The following NDUFA5 variants were observed in gnomAD, a reference collection of about 807,000 sequenced individuals.
NDUFA5 encodes NADH:ubiquinone oxidoreductase subunit A5, also known as NADH dehydrogenase [ubiquinone] 1 alpha subcomplex subunit 5.
Under a neutral mutation model 19.8 loss-of-function variants are expected in NDUFA5, and 11 were observed. The ratio of observed to expected loss-of-function variants is 0.56; its 90% confidence interval spans 0.35 to 0.92. NDUFA5 has a LOEUF of 0.92. NDUFA5 is among the 40% of genes least tolerant of loss of function. The probability of loss-of-function intolerance (pLI) is 0.01; values close to 1 mark genes in which losing one functional copy is unlikely to be tolerated. For missense variants in NDUFA5, 109 were observed against 134.2 expected (o/e 0.81, Z 0.93); for synonymous variants, 47 against 46.8 (o/e 1.00, Z -0.01).
At position 123,540,418 on chromosome 7, in the gene NDUFA5, C is replaced by A. The variant is rs917051619; in HGVS notation, c.*1701G>T. On this transcript the variant is annotated 3_prime_UTR_variant, in exon 5 of 5. Coordinates refer to ENST00000355749, the MANE Select transcript of NDUFA5 (RefSeq NM_005000.5). ...GGCAGATACGGGACTGAAAATATGA[C>A]AAAAACACAGCAAGCCATCTTTGTT... 6.6e-6 allele frequency: 1 copy of A among 152,052 alleles called. No homozygotes were observed. The highest frequency in any genetic ancestry group is 6.6e-5 in the Admixed American group (1 of 15,264). 9.4% of individuals were successfully genotyped at this position (152,052 alleles called of 1,614,324 possible).
the NDUFA5 span, among the ~76,000 whole-genome samples, chr7:123,578,685 G>C: frequency 6.6e-6 from 1 of 151,944 alleles, no homozygotes; most frequent in East Asian, 1.9e-4. Flanking sequence ...TCATTCAATA[G>C]CTTAGTCTTT....
chr7:123,552,428 T>C (rs887434347), intron 2 of NDUFA5, among the ~76,000 whole-genome samples: 14 of 150,354 alleles, frequency 9.3e-5, no homozygotes, highest in African/African-American at 2.4e-4. Context: ...TAAGTGAGAG[T>C]TGAACAATGA....
the NDUFA5 span, among the ~76,000 whole-genome samples, chr7:123,564,918 CACAT>C: frequency 1.3e-5 from 2 of 151,618 alleles, no homozygotes; most frequent in African/African-American, 2.4e-5. Flanking sequence ...CACACACACA[CACAT>C]ATATATACAC....
At chr7:123,545,469 GCAC>G (rs749239082) in intron 4 of NDUFA5, 139 bp downstream of exon 4, 15 of 649,582 alleles carry the variant, frequency 2.3e-5, no homozygotes, top group Admixed American at 6.1e-5. Context: ...CACATGAGAA[GCAC>G]CACATTTTCT....
At chr7:123,560,494 T>A (rs1798675127), upstream of NDUFA5, among the ~76,000 whole-genome samples, 1 of 152,200 alleles carries the variant, frequency 6.6e-6, no homozygotes, top group Non-Finnish European at 1.5e-5. Context: ...ACATTATACG[T>A]GATCTATCAG....
chr7:123,594,884 C>A, the NDUFA5 span, among the ~76,000 whole-genome samples: 68 of 152,298 alleles, frequency 4.5e-4, no homozygotes, highest in African/African-American at 1.6e-3. Context: ...ATAGGCCCTG[C>A]CCCCAGAGGT....
At chr7:123,553,466 C>T (rs1471131321) in intron 2 of NDUFA5, among the ~76,000 whole-genome samples, 2 of 152,140 alleles carry the variant, frequency 1.3e-5, no homozygotes, top group Admixed American at 1.3e-4. Context: ...TCCTCTCCCA[C>T]GACACATGGG....
chr7:123,587,435 G>T, the NDUFA5 span, among the ~76,000 whole-genome samples: 1 of 151,154 alleles, frequency 6.6e-6, no homozygotes, highest in Non-Finnish European at 1.5e-5. Context: ...AGTTCTAATA[G>T]TTCTTTGGTG....
At chr7:123,560,529 AATACT>A (rs1303103488), upstream of NDUFA5, among the ~76,000 whole-genome samples, 2 of 152,248 alleles carry the variant, frequency 1.3e-5, no homozygotes, top group African/African-American at 4.8e-5. Context: ...GCCATAACAA[AATACT>A]ATGGATGAGG....
In NDUFA5 at chr7:123,538,864, A is replaced by G. The variant is rs368752232; in HGVS notation, c.*3255T>C. On this transcript the variant is annotated 3_prime_UTR_variant, in exon 5 of 5. Coordinates refer to ENST00000355749, the MANE Select transcript of NDUFA5 (RefSeq NM_005000.5). ...GGAGGAAAAAGAAAAAGCTGCTATTAGCCTACATGTGGGAATTTTCCTATA... is the reference window on the plus strand; with the variant it reads ...GGAGGAAAAAGAAAAAGCTGCTATTGGCCTACATGTGGGAATTTTCCTATA... 2.4e-4 allele frequency: 37 copies of G among 152,366 alleles called. No homozygotes were observed. Among genetic ancestry groups the G allele is most frequent in the African/African-American group, 8.9e-4 (37 of 41,586 alleles). 9.4% of individuals were successfully genotyped at this position (152,366 alleles called of 1,614,324 possible). A position where few individuals can be genotyped will look rare whatever the true frequency, so the allele number is the denominator to read the frequency against.
Position 123,541,799 on chromosome 7 carries a change from C to A in NDUFA5, c.*320G>T, listed in dbSNP as rs2117447958. ...AAAATTAAATGATGTATTGAACATA[C>A]TACTAAAGAAAGTTTACTTTTTGAT... On this transcript the variant is annotated 3_prime_UTR_variant, in exon 5 of 5. Transcript: ENST00000355749. The A allele has an allele frequency of 6.0e-6, 1 of 166,214 alleles. No homozygotes were observed. The highest frequency in any genetic ancestry group is 2.4e-5 in the African/African-American group (1 of 42,014). 10.3% of individuals were successfully genotyped at this position (166,214 alleles called of 1,614,324 possible).
chr7:123,555,194 T>C (rs1798493962), intron 2 of NDUFA5: 1 of 152,254 alleles, frequency 6.6e-6, no homozygotes, highest in Non-Finnish European at 1.5e-5. Flanking sequence ...GCATTCCAAG[T>C]TAAAGCATTC....
At chr7:123,588,297 T>A in the NDUFA5 span, among the ~76,000 whole-genome samples, 1 of 151,832 alleles carries the variant, frequency 6.6e-6, no homozygotes, top group Admixed American at 6.6e-5. Flanking sequence ...TCTTCTAGGT[T>A]ATACAGTTTA....
At chr7:123,546,300 C>T (rs1424588590) in intron 3 of NDUFA5, among the ~76,000 whole-genome samples, 1 of 152,010 alleles carries the variant, frequency 6.6e-6, no homozygotes, top group Non-Finnish European at 1.5e-5. Context: ...TAAGACAGTA[C>T]ATACTAATGA....
chr7:123,589,520 T>G, the NDUFA5 span, among the ~76,000 whole-genome samples: 1 of 152,022 alleles, frequency 6.6e-6, no homozygotes, highest in Admixed American at 6.6e-5. Context: ...CTTCTCTCTG[T>G]CCCTGTGTTC....
chr7:123,550,775 G>C (rs1305559243), intron 2 of NDUFA5, among the ~76,000 whole-genome samples, 189 bp from the exon 3 acceptor site: 1 of 149,588 alleles, frequency 6.7e-6, no homozygotes. Context: ...TTATAACTTA[G>C]GAAAAACCTG....
upstream of NDUFA5, among the ~76,000 whole-genome samples, chr7:123,560,918 T>C (rs1453052928): frequency 2.0e-5 from 3 of 152,222 alleles, no homozygotes. Flanking sequence ...TAGCAATGAA[T>C]AATCTGAAAA....
At chr7:123,565,499 A>C in the NDUFA5 span, among the ~76,000 whole-genome samples, 1 of 152,132 alleles carries the variant, frequency 6.6e-6, no homozygotes, top group Non-Finnish European at 1.5e-5. Flanking sequence ...TTTATATACC[A>C]TATTTGTTCT....
At chr7:123,567,778 C>T in the NDUFA5 span, among the ~76,000 whole-genome samples, 1 of 151,928 alleles carries the variant, frequency 6.6e-6, no homozygotes, top group African/African-American at 2.4e-5. Flanking sequence ...GAAAATAACC[C>T]AGAATCAGAA....
Sources: allele counts gnomAD v4.1 joint callset (sites outside exome capture counted in the v4.1 genomes callset), GRCh38; gene constraint gnomAD v4.1.1; transcripts MANE v1.5; gene names NCBI Gene and HGNC (gene_info 2026-07-23, HGNC 2026-07-21).